Variants in SLC24A3 observed in about 807,000 individuals in gnomAD.
The protein encoded by SLC24A3 is sodium/potassium/calcium exchanger 3.
In SLC24A3, 28 loss-of-function variants were observed where a neutral mutation model predicts 75.8. The observed-to-expected ratio is 0.37, with a 90% CI of 0.27 to 0.51. The LOEUF is 0.51. SLC24A3 is among the 20% of genes least tolerant of loss of function. SLC24A3 has a pLI of 0.94. For missense variants in SLC24A3, 663 were observed against 847.8 expected (o/e 0.78, Z 2.71); for synonymous variants, 372 against 334.1 (o/e 1.11, Z -1.24).
rs149621526 is a variant in SLC24A3 at position 19,498,592 on chromosome 20, C to T, written c.272-16896C>T. On this transcript the variant is annotated intron_variant, in intron 2 of 16. Transcript: ENST00000328041. ...CCTTCCTTCCTGACCTCACTTCCCA[C>T]TCACTGTCTGATCCATATTAATAGA... Among the ~76,000 whole-genome samples, 5 of 152,326 alleles carry T rather than the reference C, an allele frequency of 3.3e-5. No homozygotes were observed. The East Asian group carries it at 9.7e-4, about 29-fold the overall frequency.
intron 1 of SLC24A3, among the ~76,000 whole-genome samples, chr20:19,280,247 C>T (rs1254421387): frequency 6.6e-6 from 1 of 152,222 alleles, no homozygotes; most frequent in Non-Finnish European, 1.5e-5. Flanking sequence ...GTTACCTGCT[C>T]TCCCAACCTA....
chr20:19,298,524 T>C (rs1984113976), intron 2 of SLC24A3, among the ~76,000 whole-genome samples: 1 of 152,038 alleles, frequency 6.6e-6, no homozygotes, highest in Non-Finnish European at 1.5e-5. Flanking sequence ...TGTGGGTGTG[T>C]ATAGTTTATT....
At chr20:19,550,764 C>T (rs2030680474) in intron 3 of SLC24A3, among the ~76,000 whole-genome samples, 1 of 152,064 alleles carries the variant, frequency 6.6e-6, no homozygotes, top group African/African-American at 2.4e-5. Context: ...AGGCCGTGAC[C>T]CATTAAGGAA....
chr20:19,599,339 C>T (rs1680792092), intron 6 of SLC24A3, among the ~76,000 whole-genome samples: 1 of 152,104 alleles, frequency 6.6e-6, no homozygotes, highest in South Asian at 2.1e-4. Flanking sequence ...TCTTGCGGTC[C>T]CTCCCGCGCA....
intron 12 of SLC24A3, among the ~76,000 whole-genome samples, chr20:19,689,421 G>T (rs529679088): frequency 2.6e-5 from 4 of 152,124 alleles, no homozygotes; most frequent in Non-Finnish European, 5.9e-5. Flanking sequence ...GGCCAGCTCC[G>T]GCCCCTGGCT....
intron 6 of SLC24A3, among the ~76,000 whole-genome samples, chr20:19,587,550 C>T (rs2031315113): frequency 6.6e-6 from 1 of 152,328 alleles, no homozygotes; most frequent in South Asian, 2.1e-4. Flanking sequence ...TTCCTTCTGA[C>T]TTTCCTGTCA....
At chr20:19,609,817 G>GA (rs1048041238) in intron 6 of SLC24A3, among the ~76,000 whole-genome samples, 2 of 152,166 alleles carry the variant, frequency 1.3e-5, no homozygotes, top group Admixed American at 1.3e-4. Context: ...GTCTTTCTCT[G>GA]AAAAAGGACT....
At chr20:19,247,624 A>AC (rs1473238105) in intron 1 of SLC24A3, among the ~76,000 whole-genome samples, 4 of 152,208 alleles carry the variant, frequency 2.6e-5, no homozygotes, top group African/African-American at 9.6e-5. Flanking sequence ...TGTGGAATTG[A>AC]CATGTGCCTT....
intron 6 of SLC24A3, among the ~76,000 whole-genome samples, chr20:19,605,505 T>A (rs567304342): frequency 1.8e-4 from 28 of 152,316 alleles, no homozygotes; most frequent in Non-Finnish European, 2.2e-4. Context: ...TCTTAAAGAT[T>A]CTTAGAATAT....
At chr20:19,285,224 T>C (rs1316594035) in intron 2 of SLC24A3, among the ~76,000 whole-genome samples, 1 of 152,150 alleles carries the variant, frequency 6.6e-6, no homozygotes, top group African/African-American at 2.4e-5. Context: ...ACGCCTATAA[T>C]CCCAGCACTT....
At chr20:19,331,985 C>T (rs558287646) in intron 2 of SLC24A3, among the ~76,000 whole-genome samples, 8 of 152,190 alleles carry the variant, frequency 5.3e-5, no homozygotes, top group South Asian at 2.1e-4. Context: ...AGGGACCAGC[C>T]GCTGCAAAGG....
chr20:19,567,421 T>C (rs1197930290), intron 3 of SLC24A3, among the ~76,000 whole-genome samples: 1 of 152,174 alleles, frequency 6.6e-6, no homozygotes, highest in Non-Finnish European at 1.5e-5. Context: ...AGTCAAATAC[T>C]GCATATTCTC....
At chr20:19,580,217 G>A in intron 4 of SLC24A3, 143 bp downstream of exon 4, 1 of 637,708 alleles carries the variant, frequency 1.6e-6, no homozygotes, top group Non-Finnish European at 2.8e-6. Context: ...CCATGTTTGA[G>A]AGCAATGGGC....
chr20:19,466,683 A>G (rs1987771259), intron 2 of SLC24A3, among the ~76,000 whole-genome samples: 1 of 152,086 alleles, frequency 6.6e-6, no homozygotes, highest in African/African-American at 2.4e-5. Context: ...AGGGGCTTTC[A>G]GTTTCTGAGG....
chr20:19,611,973 T>C (rs1015817878), intron 6 of SLC24A3, among the ~76,000 whole-genome samples: 1 of 152,192 alleles, frequency 6.6e-6, no homozygotes, highest in Admixed American at 6.5e-5. Context: ...CCTTGGTTGC[T>C]TTTTCTCTCC....
chr20:19,625,138 C>T (rs145701838), intron 6 of SLC24A3, among the ~76,000 whole-genome samples: 110 of 152,110 alleles, frequency 7.2e-4, no homozygotes, highest in African/African-American at 2.6e-3. Flanking sequence ...AACTGAAGCC[C>T]CATTACTTCT....
At chr20:19,428,345 C>T (rs191281043) in intron 2 of SLC24A3, among the ~76,000 whole-genome samples, 25 of 152,282 alleles carry the variant, frequency 1.6e-4, no homozygotes, top group Non-Finnish European at 2.8e-4. Flanking sequence ...AGCACTCAAT[C>T]GACACCGTGT....
intron 2 of SLC24A3, among the ~76,000 whole-genome samples, chr20:19,416,682 G>A (rs1428244895): frequency 6.6e-6 from 1 of 152,204 alleles, no homozygotes; most frequent in Non-Finnish European, 1.5e-5. Flanking sequence ...ACTACAGAGA[G>A]CCTGTAACTT....
At chr20:19,653,455 T>A (rs1283961715) in intron 6 of SLC24A3, among the ~76,000 whole-genome samples, 3 of 151,962 alleles carry the variant, frequency 2.0e-5, no homozygotes, top group Non-Finnish European at 4.4e-5. Context: ...ATAATAGAGA[T>A]GAGGGAAGAA....
Sources: allele counts gnomAD v4.1 joint callset (sites outside exome capture counted in the v4.1 genomes callset), GRCh38; gene constraint gnomAD v4.1.1; transcripts MANE v1.5; gene names NCBI Gene and HGNC (gene_info 2026-07-23, HGNC 2026-07-21).